The following MRO variants were observed in gnomAD, a reference collection of about 807,000 sequenced individuals.
The protein encoded by MRO is protein maestro.
In MRO, 28 loss-of-function variants were observed where a neutral mutation model predicts 31.0. That is an observed-to-expected ratio of 0.90 (90% CI 0.67 to 1.24). MRO has a LOEUF of 1.24. Among genes scored for constraint, MRO ranks in the 50% most tolerant of loss-of-function variants. MRO has a pLI of 0.00. For missense variants in MRO, 332 were observed against 289.2 expected, an observed-to-expected ratio of 1.15 and a Z score of -1.07; for synonymous variants, 108 against 108.4, an observed-to-expected ratio of 1.00 and a Z score of 0.02.
chr18:50,800,641 T>A (rs987722373), intron 6 of MRO, among the ~76,000 whole-genome samples: 1 of 151,850 alleles, frequency 6.6e-6, no homozygotes, highest in African/African-American at 2.4e-5. Context: ...TCCCAACACC[T>A]TGGGAGGCTG....
At chr18:50,800,407 A>T (rs1429285028) in intron 6 of MRO, among the ~76,000 whole-genome samples, 1 of 152,178 alleles carries the variant, frequency 6.6e-6, no homozygotes, top group Non-Finnish European at 1.5e-5. Context: ...GTAGTACTGG[A>T]TTCCTAAATT....
At chr18:50,812,596 C>A (rs1658171654) in intron 2 of MRO, among the ~76,000 whole-genome samples, 1 of 152,144 alleles carries the variant, frequency 6.6e-6, no homozygotes, top group Non-Finnish European at 1.5e-5. Context: ...CATCTAAGGT[C>A]ATGAAGATTT....
Position 50,799,934 on chromosome 18 carries a change from A to G in MRO, c.693+102T>C, listed in dbSNP as rs529656913. The G allele has an allele frequency of 4.9e-6, 4 of 808,154 alleles. No individual in the cohort carries two copies. In the South Asian group the frequency reaches 5.1e-5, roughly 10 times the overall value. The allele number at this position is 808,154 out of a possible 1,614,324, so 50.1% of individuals were successfully genotyped here. ...AAAATAAACATAGTTGGCCTGAGTCATTTTAAGGGGGTAACTCTTTCTTGT... is the reference window on the plus strand; with the variant it reads ...AAAATAAACATAGTTGGCCTGAGTCGTTTTAAGGGGGTAACTCTTTCTTGT... On this transcript the variant is annotated intron_variant, in intron 7 of 7. Transcript: ENST00000398439.
chr18:50,804,853 G>A (rs1004085293), intron 5 of MRO, among the ~76,000 whole-genome samples: 6 of 150,698 alleles, frequency 4.0e-5, no homozygotes, highest in Admixed American at 2.0e-4. Context: ...GTGCAGTGGC[G>A]TGATCTCGGC....
chr18:50,819,351 AC>A (rs1915186947), intron 2 of MRO: 2 of 797,016 alleles, frequency 2.5e-6, no homozygotes, highest in Non-Finnish European at 3.0e-6. Flanking sequence ...ATGATCTATA[AC>A]CCAACTATTG....
rs1365195893 is a variant in MRO at position 50,799,309 on chromosome 18, A to G, written c.*28T>C. ...CATGATGGCTCAGCAATGCACTCAT[A>G]CAGAACCATTTCCCTGCTGCTCTGC... On this transcript the variant is annotated 3_prime_UTR_variant, in exon 8 of 8. Transcript: ENST00000398439. 2 of 1,598,152 alleles carry G rather than the reference A, an allele frequency of 1.3e-6. No homozygotes were observed. The highest frequency in any genetic ancestry group is 2.2e-5 in the East Asian group (1 of 44,802).
intron 2 of MRO, chr18:50,815,991 G>T (rs1341236769): frequency 6.4e-6 from 1 of 156,748 alleles, no homozygotes. Context: ...CCAAGATCAT[G>T]CCCCTGCACT....
At chr18:50,812,146 T>G (rs1422336204) in intron 2 of MRO, among the ~76,000 whole-genome samples, 2 of 152,228 alleles carry the variant, frequency 1.3e-5, no homozygotes, top group East Asian at 1.9e-4. Flanking sequence ...GGGTTCCAAT[T>G]TCTCCACATC....
rs568338804 is a variant in MRO at position 50,801,169 on chromosome 18, C to G, written c.585+180G>C. On this transcript the variant is annotated intron_variant, in intron 6 of 7. Coordinates refer to ENST00000398439, the MANE Select transcript of MRO (RefSeq NM_031939.6). ...CAGGTGGGGCAGATGGAAACCAACA[C>G]TCTTGCTCAAAGAGAGATTACACAC... 5.8e-4 allele frequency among the ~76,000 whole-genome samples: 88 copies of G among 152,290 alleles called. 1 individual carries two copies. The highest frequency in any genetic ancestry group is 1.9e-3 in the African/African-American group (81 of 41,554).
At chr18:50,819,267 G>A (rs1008383222) in intron 2 of MRO, among the ~76,000 whole-genome samples, 3 of 152,068 alleles carry the variant, frequency 2.0e-5, no homozygotes, top group Admixed American at 6.6e-5. Context: ...AAGACAGACC[G>A]CATAGACATT....
chr18:50,806,495 T>C (rs1913943924), intron 4 of MRO, among the ~76,000 whole-genome samples: 1 of 152,194 alleles, frequency 6.6e-6, no homozygotes, highest in South Asian at 2.1e-4. Context: ...CCTAAGCAGA[T>C]GACCCAGCTG....
intron 2 of MRO, among the ~76,000 whole-genome samples, chr18:50,812,806 C>T (rs1163303796): frequency 6.6e-6 from 1 of 152,086 alleles, no homozygotes; most frequent in Non-Finnish European, 1.5e-5. Flanking sequence ...TTAACCCTGG[C>T]TACATTAGGA....
chr18:50,807,470 C>A (rs564638611), intron 3 of MRO, among the ~76,000 whole-genome samples: 21 of 152,320 alleles, frequency 1.4e-4, no homozygotes, highest in African/African-American at 4.8e-4. Context: ...CAAAGCATAT[C>A]TGCAAACATC....
Position 50,795,464 on chromosome 18 carries a change from A to G in MRO, c.*3873T>C, listed in dbSNP as rs903285283. ...CACAGCTGTTGTTTCTCGCTTTCAA[A>G]ACATTCTAGTGCTTTTTTATAACGT... On this transcript the variant is annotated 3_prime_UTR_variant, in exon 8 of 8. Transcript: ENST00000398439. The G allele has an allele frequency of 1.3e-5, 2 of 152,220 alleles. No homozygotes were observed. Among genetic ancestry groups the G allele is most frequent in the Non-Finnish European group, 2.9e-5 (2 of 68,038 alleles). The allele number at this position is 152,220 out of a possible 1,614,324, so 9.4% of individuals were successfully genotyped here.
In MRO at chr18:50,799,643, A is replaced by G. The variant is rs186340530; in HGVS notation, c.694-253T>C. On this transcript the variant is annotated intron_variant, in intron 7 of 7. Transcript: ENST00000398439. ...ACAGTTGGCTTGGCCGGGCATGCTG[A>G]CTCATGCCTGTAATCCCAGTACTTT... is the stretch of plus-strand genomic sequence containing the variant. Among the ~76,000 whole-genome samples the G allele has an allele frequency of 3.7e-3, 567 of 152,186 alleles. 4 individuals carry two copies. Among genetic ancestry groups the G allele is most frequent in the African/African-American group, 0.013 (524 of 41,528 alleles).
Position 50,799,362 on chromosome 18 carries a change from A to G in MRO, c.722T>C (p.Phe241Ser), listed in dbSNP as rs1281659168. 5 of 1,614,108 alleles carry G rather than the reference A, an allele frequency of 3.1e-6. No individual in the cohort carries two copies. Among genetic ancestry groups the G allele is most frequent in the Middle Eastern group, 1.7e-4 (1 of 6,058 alleles). The change falls in exon 8 of 8, where the codon TTC (phenylalanine) becomes TCC (serine). Residue 241 changes from phenylalanine to serine, a missense_variant. Physicochemically the swap from Phe to Ser is radical, Grantham distance 155. Transcript: ENST00000398439. ...TTACAGAATTTTATTTGCGTAGAAG[A>G]ACTGCAGGATCTCTGGATGATAGTG... is the stretch of plus-strand genomic sequence containing the variant. Reference protein sequence around the residue: ...LSHYHPEILQFFYANKIL With the variant: ...LSHYHPEILQSFYANKIL
At chr18:50,823,250 TC>T (rs869266707), upstream of MRO, among the ~76,000 whole-genome samples, 1 of 71,848 alleles carries the variant, frequency 1.4e-5, no homozygotes, top group Non-Finnish European at 3.6e-5. Context: ...ATTTGCTTCC[TC>T]CCACTTCTCT....
chr18:50,801,445 G>C lies in MRO; in HGVS notation c.489C>G (p.Ala163=). The change falls in exon 6 of 8, where the codon GCC becomes GCG. Residue 163 remains alanine, a synonymous_variant. Coordinates refer to ENST00000398439, the MANE Select transcript of MRO (RefSeq NM_031939.6). The part of the protein sequence containing the change: ...FVLFGQLAAF[A]GRKWKKFFTS... ...TGAAAAATTTTTTCCATTTCCTCCCGGCAAAGGCAGCCAATTGCCCAAACA... is the reference window on the plus strand; with the variant it reads ...TGAAAAATTTTTTCCATTTCCTCCCCGCAAAGGCAGCCAATTGCCCAAACA... The C allele has an allele frequency of 6.2e-7, 1 of 1,611,898 alleles. No homozygotes were observed. The highest frequency in any genetic ancestry group is 2.2e-5 in the East Asian group (1 of 44,834).
At chr18:50,813,273 T>G (rs1914617565) in intron 2 of MRO, among the ~76,000 whole-genome samples, 1 of 152,194 alleles carries the variant, frequency 6.6e-6, no homozygotes. Context: ...AACAGGAATC[T>G]TCTCACCACT....
Sources: allele counts gnomAD v4.1 joint callset (sites outside exome capture counted in the v4.1 genomes callset), GRCh38; gene constraint gnomAD v4.1.1; transcripts MANE v1.5; gene names NCBI Gene and HGNC (gene_info 2026-07-23, HGNC 2026-07-21).